MPZL1: variants seen among roughly 807,000 people sequenced by gnomAD.
The protein encoded by MPZL1 is myelin protein zero like 1, also known as myelin protein zero-like protein 1.
A neutral mutation model predicts 29.3 loss-of-function variants in MPZL1; 16 were observed. The ratio of observed to expected loss-of-function variants is 0.55; its 90% CI spans 0.37 to 0.83. The LOEUF is 0.83. Ranked by LOEUF, MPZL1 falls within the 40% of genes least tolerant of loss-of-function variation. MPZL1 has a pLI of 0.00. For synonymous variants in MPZL1, 143 were observed against 132.0 expected (o/e 1.08, Z -0.57); for missense variants, 279 against 332.9 (o/e 0.84, Z 1.26).
rs1437744965 is a variant in MPZL1 at position 167,790,013 on chromosome 1, G to C, written c.*2092G>C. On this transcript the variant is annotated 3_prime_UTR_variant, in exon 6 of 6. Coordinates refer to ENST00000359523, the MANE Select transcript of MPZL1 (RefSeq NM_003953.6). ...ACCATGAAAACCACATAGCTGACCA[G>C]GGCTGTGCTTGAGGTACAGAGGACA... 1.3e-5 allele frequency: 2 copies of C among 152,214 alleles called. No individual in the cohort carries two copies. The highest frequency in any genetic ancestry group is 2.9e-5 in the Non-Finnish European group (2 of 68,046). 9.4% of individuals were successfully genotyped at this position (152,214 alleles called of 1,614,324 possible). A position where few individuals can be genotyped will look rare whatever the true frequency, so the allele number is the denominator to read the frequency against.
intron 2 of MPZL1, among the ~76,000 whole-genome samples, chr1:167,770,687 G>T (rs1382184546): frequency 6.6e-6 from 1 of 152,102 alleles, no homozygotes; most frequent in Non-Finnish European, 1.5e-5. Context: ...CTGAAGCCTT[G>T]GGAATCACTG....
intron 1 of MPZL1, among the ~76,000 whole-genome samples, chr1:167,757,798 C>G (rs1660898217): frequency 6.6e-6 from 1 of 152,120 alleles, no homozygotes; most frequent in African/African-American, 2.4e-5. Flanking sequence ...TAAAAAAATT[C>G]AAAACAAAAG....
At chr1:167,785,959 A>T (rs1311681146) in intron 5 of MPZL1, among the ~76,000 whole-genome samples, 1 of 151,904 alleles carries the variant, frequency 6.6e-6, no homozygotes, top group Non-Finnish European at 1.5e-5. Flanking sequence ...TGCCCGGCGA[A>T]TTTTTTTGTA....
chr1:167,771,993 C>G (rs192650560), intron 2 of MPZL1, among the ~76,000 whole-genome samples: 19 of 152,110 alleles, frequency 1.2e-4, no homozygotes, highest in Admixed American at 1.1e-3. Context: ...CGTGGCCGCA[C>G]GTGCCTGCAA....
In MPZL1 at chr1:167,773,322, C is replaced by T. The variant is rs1015357247; in HGVS notation, c.559C>T (p.Leu187=). The change falls in exon 4 of 6, where the codon CTG becomes TTG. Residue 187 remains leucine, a synonymous_variant. Coordinates refer to ENST00000359523, the MANE Select transcript of MPZL1 (RefSeq NM_003953.6). ...TCTCACTCTGCTCATCAGCATGATT[C>T]TGGCTGTCCTCTATAGAAGGAAAAA... is the stretch of plus-strand genomic sequence containing the variant. The part of the protein sequence containing the change: ...LGLTLLISMI[L]AVLYRRKNSK... 3 of 1,613,996 alleles carry T rather than the reference C, an allele frequency of 1.9e-6. No individual in the cohort carries two copies. The highest frequency in any genetic ancestry group is 1.7e-5 in the Admixed American group (1 of 60,022).
intron 1 of MPZL1, among the ~76,000 whole-genome samples, chr1:167,748,797 A>G (rs1660700602): frequency 6.6e-6 from 1 of 152,202 alleles, no homozygotes; most frequent in East Asian, 1.9e-4. Flanking sequence ...TTTGTATATG[A>G]TGTGCTTTAC....
intron 1 of MPZL1, among the ~76,000 whole-genome samples, chr1:167,729,994 T>C (rs1660229436): frequency 2.0e-5 from 3 of 152,226 alleles, no homozygotes; most frequent in Middle Eastern, 3.2e-3. Flanking sequence ...TGCTGTATTA[T>C]AGAATTTTTT....
intron 5 of MPZL1, among the ~76,000 whole-genome samples, chr1:167,777,914 A>G (rs1661406173): frequency 6.6e-6 from 1 of 152,252 alleles, no homozygotes; most frequent in Non-Finnish European, 1.5e-5. Context: ...TAAAGAATCA[A>G]ACTAATCCAA....
intron 4 of MPZL1, chr1:167,773,644 C>T (rs1462245521): frequency 1.1e-5 from 3 of 271,850 alleles, no homozygotes; most frequent in Non-Finnish European, 2.1e-5. Flanking sequence ...TGTTTCAATA[C>T]CATCCACTAT....
At position 167,773,333 on chromosome 1, in the gene MPZL1, C is replaced by G; in HGVS notation, c.570C>G (p.Leu190=). 1.2e-6 allele frequency: 2 copies of G among 1,613,944 alleles called. No homozygotes were observed. Among genetic ancestry groups the G allele is most frequent in the Non-Finnish European group, 1.7e-6 (2 of 1,179,936 alleles). ...TLLISMILAV[L]YRRKNSKRDY... ...TCATCAGCATGATTCTGGCTGTCCTCTATAGAAGGAAAAACTCTAAACGGG... is the reference window on the plus strand; with the variant it reads ...TCATCAGCATGATTCTGGCTGTCCTGTATAGAAGGAAAAACTCTAAACGGG... The change falls in exon 4 of 6, where the codon CTC becomes CTG. Residue 190 remains leucine, a synonymous_variant. Transcript: ENST00000359523.
chr1:167,770,774 A>G lies in MPZL1; in HGVS notation c.259-1501A>G, dbSNP rs566708309. ...GCCTAAATTTTACTCTGGGTCCCCA[A>G]TTTACTATCATTGGTACCTTGGGAA... is the stretch of plus-strand genomic sequence containing the variant. On this transcript the variant is annotated intron_variant, in intron 2 of 5. Transcript: ENST00000359523. 2.1e-4 allele frequency among the ~76,000 whole-genome samples: 32 copies of G among 152,252 alleles called. No individual in the cohort carries two copies. The South Asian group carries it at 5.8e-3, about 28-fold the overall frequency.
intron 1 of MPZL1, among the ~76,000 whole-genome samples, chr1:167,745,788 G>C (rs552127389): frequency 6.6e-6 from 1 of 152,166 alleles, no homozygotes; most frequent in African/African-American, 2.4e-5. Flanking sequence ...AGAAGCCAGG[G>C]AGACGCTGGA....
At chr1:167,747,377 T>A (rs1035933771) in intron 1 of MPZL1, among the ~76,000 whole-genome samples, 2 of 152,120 alleles carry the variant, frequency 1.3e-5, no homozygotes, top group African/African-American at 4.8e-5. Flanking sequence ...TGAGCCACCA[T>A]GCCTGGCAAA....
chr1:167,775,790 T>C (rs1218117783), intron 4 of MPZL1, among the ~76,000 whole-genome samples: 1 of 152,288 alleles, frequency 6.6e-6, no homozygotes, highest in South Asian at 2.1e-4. Context: ...AGAATTCCAA[T>C]ATGATTTTTG....
intron 1 of MPZL1, among the ~76,000 whole-genome samples, chr1:167,754,441 A>G (rs1465916618): frequency 6.6e-6 from 1 of 152,236 alleles, no homozygotes; most frequent in Non-Finnish European, 1.5e-5. Context: ...TTGGACACCA[A>G]TGTCCTGTTA....
intron 2 of MPZL1, among the ~76,000 whole-genome samples, chr1:167,771,983 C>T (rs548077957): frequency 1.3e-5 from 2 of 152,034 alleles, no homozygotes; most frequent in African/African-American, 4.8e-5. Flanking sequence ...ACCAGTCAGG[C>T]GTGGCCGCAC....
At chr1:167,745,890 A>AC (rs1660636632) in intron 1 of MPZL1, among the ~76,000 whole-genome samples, 1 of 152,020 alleles carries the variant, frequency 6.6e-6, no homozygotes, top group African/African-American at 2.4e-5. Flanking sequence ...ATTAATTCTG[A>AC]CACAGTTTTT....
At chr1:167,758,945 A>G (rs1237394403) in intron 1 of MPZL1, among the ~76,000 whole-genome samples, 11 of 152,246 alleles carry the variant, frequency 7.2e-5, no homozygotes, top group Admixed American at 5.9e-4. Context: ...GCAAGTTTAC[A>G]TGGAGCTCAG....
chr1:167,737,887 A>G (rs911118404), intron 1 of MPZL1, among the ~76,000 whole-genome samples: 1 of 152,014 alleles, frequency 6.6e-6, no homozygotes, highest in African/African-American at 2.4e-5. Flanking sequence ...AACCAATATC[A>G]TCCATTGAGT....
Sources: gnomAD v4.1 joint callset for allele counts (sites outside exome capture counted in the v4.1 genomes callset) on GRCh38, gnomAD v4.1.1 for gene constraint, MANE v1.5 for transcripts, NCBI Gene and HGNC (gene_info 2026-07-23, HGNC 2026-07-21) for gene names.